Variants in SLC4A4 observed in about 807,000 individuals in gnomAD.
The protein encoded by SLC4A4 is solute carrier family 4 member 4.
A neutral mutation model predicts 111.5 loss-of-function variants in SLC4A4; 27 were observed. The observed-to-expected ratio is 0.24, with a 90% CI of 0.18 to 0.33. SLC4A4 has a LOEUF of 0.33. Ranked by LOEUF, SLC4A4 falls within the 10% of genes least tolerant of loss-of-function variation. The pLI, the probability that SLC4A4 is intolerant of heterozygous loss-of-function variation, is 1.00. For synonymous variants in SLC4A4, 443 were observed against 463.4 expected, an observed-to-expected ratio of 0.96 and a Z score of 0.57; for missense variants, 909 against 1,315.5, an observed-to-expected ratio of 0.69 and a Z score of 4.78.
intron 2 of SLC4A4, among the ~76,000 whole-genome samples, chr4:71,121,217 C>T (rs1225447240): frequency 1.3e-5 from 2 of 151,656 alleles, no homozygotes; most frequent in African/African-American, 2.4e-5. Context: ...CCGCTTCCCT[C>T]CCCCCTCCCC....
At chr4:71,077,484 G>A (rs1366431233) in intron 1 of SLC4A4, among the ~76,000 whole-genome samples, 1 of 151,970 alleles carries the variant, frequency 6.6e-6, no homozygotes, top group African/African-American at 2.4e-5. Flanking sequence ...TTTTAATATT[G>A]GTTTCTATCT....
chr4:71,139,957 A>G (rs558398693), intron 2 of SLC4A4, among the ~76,000 whole-genome samples: 13 of 151,814 alleles, frequency 8.6e-5, no homozygotes, highest in African/African-American at 3.2e-4. Flanking sequence ...CTTCTATCTA[A>G]CTGTATATTT....
chr4:71,140,991 C>T (rs72860012), intron 2 of SLC4A4, among the ~76,000 whole-genome samples: 2,281 of 152,254 alleles, frequency 0.015, 68 homozygotes, highest in African/African-American at 0.052. Flanking sequence ...ACCTCAAATA[C>T]TTAGCATTTT....
At chr4:71,089,991 G>A (rs1742330890) in intron 1 of SLC4A4, among the ~76,000 whole-genome samples, 3 of 149,426 alleles carry the variant, frequency 2.0e-5, no homozygotes, top group Admixed American at 1.3e-4. Flanking sequence ...CCTGCCCCCA[G>A]AGGTGGAGTC....
chr4:71,171,616 AC>A (rs895491497), intron 2 of SLC4A4, among the ~76,000 whole-genome samples: 3 of 152,232 alleles, frequency 2.0e-5, no homozygotes, highest in Non-Finnish European at 2.9e-5. Context: ...TTTTAGTATT[AC>A]GTGCGGTGAC....
At chr4:71,257,786 G>A (rs755724190) in intron 3 of SLC4A4, among the ~76,000 whole-genome samples, 1 of 152,148 alleles carries the variant, frequency 6.6e-6, no homozygotes, top group African/African-American at 2.4e-5. Flanking sequence ...ATACTTCTGA[G>A]AAAAACAAAA....
chr4:71,115,766 G>T (rs560052825), intron 2 of SLC4A4, among the ~76,000 whole-genome samples: 6 of 152,254 alleles, frequency 3.9e-5, no homozygotes, highest in Admixed American at 2.0e-4. Flanking sequence ...TTATTATTCA[G>T]CAGGTTGTCT....
chr4:71,226,866 A>G (rs1011146773), intron 1 of SLC4A4, among the ~76,000 whole-genome samples: 1 of 152,032 alleles, frequency 6.6e-6, no homozygotes, highest in Non-Finnish European at 1.5e-5. Context: ...TAATTGATTC[A>G]TTCATAGTCA....
At chr4:71,153,033 G>GTATATATATA (rs35271982) in intron 2 of SLC4A4, among the ~76,000 whole-genome samples, 140 of 132,724 alleles carry the variant, frequency 1.1e-3, no homozygotes, top group African/African-American at 3.6e-3. Flanking sequence ...ATATGTGTGT[G>GTATATATATA]TATATATATA....
chr4:71,232,589 A>G (rs1022808406), intron 1 of SLC4A4, among the ~76,000 whole-genome samples: 1 of 151,992 alleles, frequency 6.6e-6, no homozygotes, highest in African/African-American at 2.4e-5. Flanking sequence ...TTTGGAAAAA[A>G]AAATTTCAGA....
chr4:71,175,828 T>C (rs559113006), intron 2 of SLC4A4, among the ~76,000 whole-genome samples: 1 of 152,000 alleles, frequency 6.6e-6, no homozygotes, highest in Non-Finnish European at 1.5e-5. Context: ...TTGAAGAGAG[T>C]AGCGGTTCTC....
At position 71,312,321 on chromosome 4, in the gene SLC4A4, A is replaced by G. The variant is rs376554818; in HGVS notation, c.254-27049A>G. Reference sequence around the variant, plus strand: ...AAAAAGCCCAGGACCTGACGGATTCACAGCTGAATTCTACCAGAGGTACAA... The same window carrying G: ...AAAAAGCCCAGGACCTGACGGATTCGCAGCTGAATTCTACCAGAGGTACAA... On this transcript the variant is annotated intron_variant, in intron 3 of 25. Coordinates refer to ENST00000264485, the MANE Select transcript of SLC4A4 (RefSeq NM_001098484.3). 8.5e-5 allele frequency among the ~76,000 whole-genome samples: 13 copies of G among 152,330 alleles called. No individual in the cohort carries two copies. The East Asian group carries it at 2.1e-3, about 25-fold the overall frequency.
chr4:71,214,911 A>G (rs1431362555), intron 1 of SLC4A4, among the ~76,000 whole-genome samples: 1 of 152,208 alleles, frequency 6.6e-6, no homozygotes, highest in East Asian at 1.9e-4. Flanking sequence ...AGCTTTATGC[A>G]TTATGCAGCT....
chr4:71,284,116 T>C (rs1197687267), intron 3 of SLC4A4, among the ~76,000 whole-genome samples: 1 of 152,204 alleles, frequency 6.6e-6, no homozygotes, highest in Non-Finnish European at 1.5e-5. Flanking sequence ...CAGTTATATT[T>C]CCCAGAATGG....
At chr4:71,270,415 T>C (rs1323009405) in intron 3 of SLC4A4, among the ~76,000 whole-genome samples, 2 of 152,214 alleles carry the variant, frequency 1.3e-5, no homozygotes, top group East Asian at 3.8e-4. Flanking sequence ...AACTCCAGCT[T>C]CTACCTTGTT....
At chr4:71,536,980 A>G (rs562733955) in intron 18 of SLC4A4, among the ~76,000 whole-genome samples, 36 of 151,770 alleles carry the variant, frequency 2.4e-4, no homozygotes, top group African/African-American at 8.2e-4. Context: ...TCTTATATGT[A>G]TATGTATATG....
At chr4:71,090,592 T>G (rs1041725740) in intron 1 of SLC4A4, among the ~76,000 whole-genome samples, 1 of 152,200 alleles carries the variant, frequency 6.6e-6, no homozygotes, top group Non-Finnish European at 1.5e-5. Context: ...GCCTGCAAGA[T>G]TTTAGTGACT....
chr4:71,191,368 A>G (rs1745725799), intron 1 of SLC4A4, among the ~76,000 whole-genome samples: 1 of 152,352 alleles, frequency 6.6e-6, no homozygotes, highest in East Asian at 1.9e-4. Flanking sequence ...CTAAGTAAAT[A>G]TAAGGGATTG....
At chr4:71,284,370 T>C (rs1010796458) in intron 3 of SLC4A4, among the ~76,000 whole-genome samples, 1 of 152,222 alleles carries the variant, frequency 6.6e-6, no homozygotes, top group East Asian at 1.9e-4. Flanking sequence ...AGCCAGTTGC[T>C]TTGCATGGTG....
Sources: allele counts gnomAD v4.1 joint callset (sites outside exome capture counted in the v4.1 genomes callset), GRCh38; gene constraint gnomAD v4.1.1; transcripts MANE v1.5; gene names NCBI Gene and HGNC (gene_info 2026-07-23, HGNC 2026-07-21).